YIPF7: variants seen among roughly 807,000 people sequenced by gnomAD.
The protein encoded by YIPF7 is protein YIPF7.
YIPF7 carries 35 observed loss-of-function variants against 27.2 expected under a neutral mutation model. The observed-to-expected ratio is 1.29, with a 90% CI of 0.98 to 1.70. The LOEUF (loss-of-function observed/expected upper bound fraction) is 1.70. Among genes scored for constraint, YIPF7 ranks in the 40% most tolerant of loss-of-function variants. The probability of loss-of-function intolerance (pLI) is 0.00; values close to 1 mark genes in which losing one functional copy is unlikely to be tolerated. For missense variants in YIPF7, 358 were observed against 303.7 expected (o/e 1.18, Z -1.33); for synonymous variants, 137 against 110.4 (o/e 1.24, Z -1.51).
At chr4:44,634,216 CTT>C (rs1478396049) in intron 3 of YIPF7, among the ~76,000 whole-genome samples, 1 of 152,186 alleles carries the variant, frequency 6.6e-6, no homozygotes, top group Admixed American at 6.5e-5. Flanking sequence ...TATTTAATGA[CTT>C]TAAAGAATGC....
chr4:44,639,812 G>T (rs1713266301), intron 2 of YIPF7, among the ~76,000 whole-genome samples: 2 of 152,064 alleles, frequency 1.3e-5, no homozygotes, highest in Admixed American at 6.5e-5. Context: ...CATTCAGCAT[G>T]ATGTTATCTG....
chr4:44,627,268 A>G (rs983606902), intron 4 of YIPF7, among the ~76,000 whole-genome samples: 10 of 152,140 alleles, frequency 6.6e-5, no homozygotes, highest in Non-Finnish European at 1.5e-4. Context: ...GTAAAACTAA[A>G]TTTGTGCTAA....
At chr4:44,631,628 A>G (rs529010303) in intron 3 of YIPF7, among the ~76,000 whole-genome samples, 2 of 152,192 alleles carry the variant, frequency 1.3e-5, no homozygotes, top group South Asian at 4.1e-4. Context: ...AATAGCAAAT[A>G]ATTTACATTT....
chr4:44,626,763 C>CTATTTTTTTTT (rs1712658057), intron 4 of YIPF7, among the ~76,000 whole-genome samples: 1 of 69,768 alleles, frequency 1.4e-5, no homozygotes, highest in Non-Finnish European at 2.4e-5. Context: ...ATTAGCACAT[C>CTATTTTTTTTT]TTTTTTTTTT....
chr4:44,632,279 T>C (rs1712931351), intron 3 of YIPF7, among the ~76,000 whole-genome samples: 1 of 152,172 alleles, frequency 6.6e-6, no homozygotes, highest in African/African-American at 2.4e-5. Context: ...TAATGCAAAA[T>C]TTATTGTTTT....
At chr4:44,660,689 G>A (rs1308344863) in intron 1 of YIPF7, 1 of 148,650 alleles carries the variant, frequency 6.7e-6, no homozygotes, top group Non-Finnish European at 1.5e-5. Flanking sequence ...TGATATAGCA[G>A]TAAATAACTA....
intron 3 of YIPF7, among the ~76,000 whole-genome samples, chr4:44,631,058 C>G (rs961160425): frequency 2.6e-5 from 4 of 152,128 alleles, no homozygotes; most frequent in Non-Finnish European, 5.9e-5. Flanking sequence ...AATACACAAT[C>G]AATCAGTTAC....
chr4:44,643,904 C>A (rs1713429726), intron 2 of YIPF7, among the ~76,000 whole-genome samples: 1 of 152,006 alleles, frequency 6.6e-6, no homozygotes, highest in African/African-American at 2.4e-5. Context: ...CAAGCAGAAG[C>A]CTGCTGCAGG....
At chr4:44,640,706 C>T (rs1006107860) in intron 2 of YIPF7, among the ~76,000 whole-genome samples, 1 of 152,168 alleles carries the variant, frequency 6.6e-6, no homozygotes, top group African/African-American at 2.4e-5. Context: ...AACACTAAGC[C>T]TTCATGGCAA....
At position 44,635,991 on chromosome 4, in the gene YIPF7, A is replaced by T. The variant is rs755412199; in HGVS notation, c.211T>A (p.Ser71Thr). Residue 71 changes from serine to threonine, a missense_variant, in exon 3 of 6, where the codon TCC becomes ACC. By Grantham distance (58) the Ser-to-Thr change is moderately conservative. Transcript: ENST00000415895. ...GATTGTGAATAATAATCTGAGTTGG[A>T]TGCTGGCTGAAAAAATTGTCCTGCG... Reference protein sequence around the residue: ...GYAGQFFQPASNSDYYSQSPY... With the variant: ...GYAGQFFQPATNSDYYSQSPY... 6 of 1,613,940 alleles carry T rather than the reference A, an allele frequency of 3.7e-6. No individual in the cohort carries two copies. In the Admixed American group the frequency reaches 1.0e-4, roughly 27 times the overall value.
chr4:44,636,976 AC>A (rs1318662736), intron 2 of YIPF7, among the ~76,000 whole-genome samples: 1 of 152,042 alleles, frequency 6.6e-6, no homozygotes. Flanking sequence ...TATTTTTAGC[AC>A]GTTTATGAGT....
intron 2 of YIPF7, among the ~76,000 whole-genome samples, chr4:44,640,868 C>T (rs1222753477): frequency 6.6e-6 from 1 of 151,988 alleles, no homozygotes; most frequent in Non-Finnish European, 1.5e-5. Flanking sequence ...TCCCTAATGC[C>T]TAGGACTGGA....
intron 2 of YIPF7, among the ~76,000 whole-genome samples, chr4:44,648,010 T>A (rs1296250192): frequency 6.6e-6 from 1 of 152,138 alleles, no homozygotes; most frequent in Non-Finnish European, 1.5e-5. Flanking sequence ...TAGCACTAAT[T>A]TTACATTTAA....
chr4:44,624,169 A>G (rs1712539683), intron 5 of YIPF7, among the ~76,000 whole-genome samples: 1 of 149,530 alleles, frequency 6.7e-6, no homozygotes, highest in Non-Finnish European at 1.5e-5. Flanking sequence ...GGTTCAAGCG[A>G]TTCTCCTGCC....
intron 4 of YIPF7, among the ~76,000 whole-genome samples, chr4:44,626,691 G>T (rs781617467): frequency 3.1e-4 from 44 of 140,438 alleles, no homozygotes; most frequent in Admixed American, 1.2e-3. Context: ...AATTGAAATA[G>T]AAAATAAATG....
At chr4:44,635,188 T>G (rs572463107) in intron 3 of YIPF7, among the ~76,000 whole-genome samples, 2 of 152,278 alleles carry the variant, frequency 1.3e-5, no homozygotes, top group South Asian at 4.1e-4. Flanking sequence ...GTTCTCCAAT[T>G]TAAATCCACT....
intron 2 of YIPF7, among the ~76,000 whole-genome samples, chr4:44,639,364 T>A (rs1335990369): frequency 6.6e-6 from 1 of 152,168 alleles, no homozygotes; most frequent in Non-Finnish European, 1.5e-5. Context: ...ATGCACAATA[T>A]TTTTTCATCA....
rs141310253 is a variant in YIPF7, at chr4:44,631,241, T to A, written c.281-1693A>T. ...TCAGGTCAATGTTCATCTACTCTCA[T>A]AATGGTTGTATTTTGTTTTTAAATG... is the stretch of plus-strand genomic sequence containing the variant. On this transcript the variant is annotated intron_variant, in intron 3 of 5. Transcript: ENST00000415895. Among the ~76,000 whole-genome samples, 608 of 152,292 alleles carry A rather than the reference T, an allele frequency of 4.0e-3. 2 individuals carry two copies. Among genetic ancestry groups the A allele is most frequent in the Non-Finnish European group, 6.6e-3 (450 of 68,002 alleles).
intron 2 of YIPF7, among the ~76,000 whole-genome samples, chr4:44,658,383 A>G (rs142408061): frequency 6.6e-6 from 1 of 152,308 alleles, no homozygotes; most frequent in East Asian, 1.9e-4. Flanking sequence ...CTCCAGAACT[A>G]AGAAAAATAA....
Sources: gnomAD v4.1 joint callset for allele counts (sites outside exome capture counted in the v4.1 genomes callset) on GRCh38, gnomAD v4.1.1 for gene constraint, MANE v1.5 for transcripts, NCBI Gene and HGNC (gene_info 2026-07-23, HGNC 2026-07-21) for gene names.